USP33: variants seen among roughly 807,000 people sequenced by gnomAD.
USP33 encodes the protein ubiquitin carboxyl-terminal hydrolase 33.
A neutral mutation model predicts 124.2 loss-of-function variants in USP33; 46 were observed. That is an observed-to-expected ratio of 0.37 (90% CI 0.29 to 0.47). The LOEUF (loss-of-function observed/expected upper bound fraction) is 0.47. USP33 is among the 20% of genes least tolerant of loss of function. The pLI, the probability that USP33 is intolerant of heterozygous loss-of-function variation, is 0.99. For missense variants in USP33, 851 were observed against 1,070.6 expected (o/e 0.79, Z 2.86); for synonymous variants, 350 against 352.3 (o/e 0.99, Z 0.07).
chr1:77,756,538 T>C (rs1240092838), intron 1 of USP33, among the ~76,000 whole-genome samples: 1 of 152,136 alleles, frequency 6.6e-6, no homozygotes, highest in Non-Finnish European at 1.5e-5. Flanking sequence ...ACCTAACCAG[T>C]GTACCTGGGA....
chr1:77,717,945 A>G lies in USP33; in HGVS notation c.1840T>C (p.Phe614Leu). 6.2e-7 allele frequency: 1 copy of G among 1,614,108 alleles called. No homozygotes were observed. The highest frequency in any genetic ancestry group is 8.5e-7 in the Non-Finnish European group (1 of 1,179,964). ...TGAGCTGGACTATCCTTAGCAAGAA[A>G]TGGCTGAAGATCCAAGCCTTCTAGC... ...FPLEGLDLQPFLAKDSPAQIV... is the reference protein window; with the variant it reads ...FPLEGLDLQPLLAKDSPAQIV... The change falls in exon 17 of 24, where the codon TTT (phenylalanine) becomes CTT (leucine). Residue 614 changes from phenylalanine to leucine, a missense_variant. Phe to Leu is a conservative substitution (Grantham distance 22). Transcript: ENST00000370794.
chr1:77,696,770 T>C lies in USP33; in HGVS notation c.*547A>G, dbSNP rs1673468040. ...TAAAGATAACCTACTGATTTCACAA[T>C]TGTCCCTCCTCTTTCAAAAATATTA... On this transcript the variant is annotated 3_prime_UTR_variant, in exon 24 of 24. Transcript: ENST00000370794. 3 of 152,228 alleles carry C rather than the reference T, an allele frequency of 2.0e-5. No homozygotes were observed. The highest frequency in any genetic ancestry group is 7.2e-5 in the African/African-American group (3 of 41,428). 9.4% of individuals were successfully genotyped at this position (152,228 alleles called of 1,614,324 possible). A position where few individuals can be genotyped will look rare whatever the true frequency, so the allele number is the denominator to read the frequency against.
intron 20 of USP33, among the ~76,000 whole-genome samples, chr1:77,712,402 T>C (rs1675360768): frequency 6.6e-6 from 1 of 152,116 alleles, no homozygotes; most frequent in African/African-American, 2.4e-5. Context: ...TGTGTGCCTG[T>C]AATCCCAGGT....
At chr1:77,749,630 C>T (rs1042956790) in intron 1 of USP33, among the ~76,000 whole-genome samples, 1 of 152,158 alleles carries the variant, frequency 6.6e-6, no homozygotes, top group South Asian at 2.1e-4. Context: ...GATCCACTCT[C>T]CTCAGCCTCC....
intron 1 of USP33, among the ~76,000 whole-genome samples, chr1:77,749,881 G>A (rs1037082159): frequency 2.6e-5 from 4 of 152,196 alleles, no homozygotes; most frequent in African/African-American, 9.6e-5. Flanking sequence ...AAACTTCCAA[G>A]ATAAATATTT....
chr1:77,741,474 A>G (rs1284776163), intron 2 of USP33, 45 bp from the exon 3 acceptor site: 1 of 1,577,796 alleles, frequency 6.3e-7, no homozygotes, highest in Non-Finnish European at 8.6e-7. Flanking sequence ...TATTGACACA[A>G]ACACATACAA....
rs1362036166 is a variant in USP33, at chr1:77,711,791, T to G, written c.2362A>C (p.Lys788Gln). 1 of 1,610,714 alleles carries G rather than the reference T, an allele frequency of 6.2e-7. No individual in the cohort carries two copies. Among genetic ancestry groups the G allele is most frequent in the Admixed American group, 1.7e-5 (1 of 58,942 alleles). The part of the protein sequence containing the change: ...ICHTCQIEAE[K>Q]IEKRRKTELE... ...TCAGTTTTTCTTCTTTTTTCAATTT[T>G]CTCCGCCTCAATTTGGCAAGTATGA... Residue 788 changes from lysine (K) to glutamine (Q), a missense_variant, in exon 21 of 24, where the codon AAA becomes CAA. Lys to Gln is a moderately conservative substitution (Grantham distance 53). Transcript: ENST00000370794.
Position 77,728,728 on chromosome 1 carries a change from C to T in USP33, c.718-16G>A, listed in dbSNP as rs746233425. On this transcript the variant is annotated splice_polypyrimidine_tract_variant and intron_variant, in intron 9 of 23. Coordinates refer to ENST00000370794, the MANE Select transcript of USP33 (RefSeq NM_201624.3). ...CTTGAGCATCCTAATATATCAGCAACATAATGTTAACCACTTCATTACATG... is the reference window on the plus strand; with the variant it reads ...CTTGAGCATCCTAATATATCAGCAATATAATGTTAACCACTTCATTACATG... The T allele has an allele frequency of 2.5e-6, 4 of 1,603,968 alleles. No homozygotes were observed. The Admixed American group carries it at 5.1e-5, about 21-fold the overall frequency.
rs199580024 is a variant in USP33, at chr1:77,723,461, TA to T, written c.1277-19del. 1.1e-4 allele frequency: 160 copies of T among 1,507,406 alleles called. No homozygotes were observed. The highest frequency in any genetic ancestry group is 1.6e-4 in the Admixed American group (8 of 49,658). 93.4% of individuals were successfully genotyped at this position (1,507,406 alleles called of 1,614,324 possible). A position where few individuals can be genotyped will look rare whatever the true frequency, so the allele number is the denominator to read the frequency against. ...AGACTGAGCTAGGATTGAAAAACAT[TA>T]AAAAAAAATCAAAGCAGCTCCTTTA... On this transcript the variant is annotated intron_variant, in intron 11 of 23. Coordinates refer to ENST00000370794, the MANE Select transcript of USP33 (RefSeq NM_201624.3).
chr1:77,748,972 G>A (rs1175492431), intron 1 of USP33, among the ~76,000 whole-genome samples: 1 of 152,198 alleles, frequency 6.6e-6, no homozygotes, highest in African/African-American at 2.4e-5. Flanking sequence ...CCTCTGTCAA[G>A]AACCAATCTT....
chr1:77,730,552 C>T (rs1305647862), intron 8 of USP33, 66 bp downstream of exon 8: 2 of 1,229,190 alleles, frequency 1.6e-6, no homozygotes, highest in Non-Finnish European at 2.2e-6. Context: ...GGACCTGCAA[C>T]CTTTAAATAT....
At chr1:77,743,579 G>A (rs527997523) in intron 1 of USP33, among the ~76,000 whole-genome samples, 58 of 151,826 alleles carry the variant, frequency 3.8e-4, no homozygotes, top group Middle Eastern at 3.4e-3. Context: ...GTCTCAAACC[G>A]TCCTCCTGTC....
intron 1 of USP33, among the ~76,000 whole-genome samples, chr1:77,751,970 G>C (rs1199680977): frequency 6.6e-6 from 1 of 151,976 alleles, no homozygotes; most frequent in South Asian, 2.1e-4. Context: ...TTACAGGCTT[G>C]AGCCACCGCG....
chr1:77,736,212 GT>G (rs1320477120), intron 5 of USP33, 54 bp from the exon 6 acceptor site: 31 of 1,226,612 alleles, frequency 2.5e-5, no homozygotes, highest in Admixed American at 1.1e-4. Flanking sequence ...TTTAAAAAAA[GT>G]TTTAATTGTA....
chr1:77,736,607 C>T (rs534993806), intron 5 of USP33, among the ~76,000 whole-genome samples: 104 of 152,126 alleles, frequency 6.8e-4, no homozygotes, highest in African/African-American at 2.4e-3. Context: ...ACTGTATTTA[C>T]TTTGCACACT....
At position 77,728,581 on chromosome 1, in the gene USP33, C is replaced by A; in HGVS notation, c.849G>T (p.Ser283=). ...EETMEEDKSQ[S]DVDFQSCESC... Reference sequence around the variant, plus strand: ...ATTCACAAGACTGAAAATCTACATCCGACTGGCTCTTGTCTTCTTCCATTG... The same window carrying A: ...ATTCACAAGACTGAAAATCTACATCAGACTGGCTCTTGTCTTCTTCCATTG... The change falls in exon 10 of 24, where the codon TCG becomes TCT. Residue 283 remains serine (S), a synonymous_variant. Coordinates refer to ENST00000370794, the MANE Select transcript of USP33 (RefSeq NM_201624.3). 1 of 1,614,128 alleles carries A rather than the reference C, an allele frequency of 6.2e-7. No individual in the cohort carries two copies. Among genetic ancestry groups the A allele is most frequent in the Non-Finnish European group, 8.5e-7 (1 of 1,180,010 alleles).
intron 1 of USP33, among the ~76,000 whole-genome samples, chr1:77,758,136 G>T: frequency 6.7e-6 from 1 of 150,156 alleles, no homozygotes; most frequent in African/African-American, 2.4e-5. Flanking sequence ...GCACATATCA[G>T]GTCAAATATT....
chr1:77,712,464 A>G (rs1265423846), intron 20 of USP33, among the ~76,000 whole-genome samples: 1 of 152,174 alleles, frequency 6.6e-6, no homozygotes, highest in Admixed American at 6.5e-5. Context: ...CAGAGGTTGC[A>G]GTGAGCTGAG....
Position 77,739,415 on chromosome 1 carries a change from C to T in USP33, c.201G>A (p.Glu67=). The change falls in exon 5 of 24, where the codon GAG becomes GAA. Residue 67 remains glutamate (E), a splice_region_variant and synonymous_variant. Transcript: ENST00000370794. ...QVDHSTIHSQ[E]TKHYLTVNLT... Reference sequence around the variant, plus strand: ...GGTTCACAGTTAGATAATGCTTTGTCTCCTATATAATTTCACAGTAGAGGG... The same window carrying T: ...GGTTCACAGTTAGATAATGCTTTGTTTCCTATATAATTTCACAGTAGAGGG... 6.3e-7 allele frequency: 1 copy of T among 1,593,210 alleles called. No individual in the cohort carries two copies. Among genetic ancestry groups the T allele is most frequent in the Non-Finnish European group, 8.5e-7 (1 of 1,171,460 alleles).
Sources: gnomAD v4.1 joint callset for allele counts (sites outside exome capture counted in the v4.1 genomes callset) on GRCh38, gnomAD v4.1.1 for gene constraint, MANE v1.5 for transcripts, NCBI Gene and HGNC (gene_info 2026-07-23, HGNC 2026-07-21) for gene names.